The following AXDND1 variants were observed in gnomAD, a reference collection of about 807,000 sequenced individuals.
AXDND1 encodes axonemal dynein light chain domain containing 1.
AXDND1 carries 110 observed loss-of-function variants against 137.5 expected under a neutral mutation model. That is an observed-to-expected ratio of 0.80 (90% CI 0.69 to 0.94). The LOEUF (loss-of-function observed/expected upper bound fraction) is 0.94. Among genes scored for constraint, AXDND1 ranks in the 40% least tolerant of loss-of-function variants. The pLI is 0.00. For missense variants in AXDND1, 1,191 were observed against 1,169.8 expected (o/e 1.02, Z -0.26); for synonymous variants, 414 against 399.7 (o/e 1.04, Z -0.43).
At chr1:179,411,398 T>C (rs1328956495) in intron 12 of AXDND1, 132 bp downstream of exon 12, 1 of 1,231,686 alleles carries the variant, frequency 8.1e-7, no homozygotes, top group Non-Finnish European at 1.1e-6. Context: ...AGGCTGGAAT[T>C]CAGTGATGTG....
intron 6 of AXDND1, among the ~76,000 whole-genome samples, chr1:179,380,910 A>T (rs1013057060): frequency 6.6e-6 from 1 of 152,190 alleles, no homozygotes; most frequent in Admixed American, 6.5e-5. Context: ...TTAAACATAC[A>T]CAAGCATGCA....
At chr1:179,546,937 C>G (rs1410587) in intron 25 of AXDND1, among the ~76,000 whole-genome samples, 1 of 151,986 alleles carries the variant, frequency 6.6e-6, no homozygotes, top group African/African-American at 2.4e-5. Context: ...TTGTCTGCTA[C>G]CTTGTAGCAT....
intron 12 of AXDND1, among the ~76,000 whole-genome samples, chr1:179,414,627 G>C (rs560006695): frequency 6.6e-6 from 1 of 151,912 alleles, no homozygotes; most frequent in African/African-American, 2.4e-5. Flanking sequence ...GGGTTTCACC[G>C]TGTTAGCCAG....
intron 9 of AXDND1, among the ~76,000 whole-genome samples, chr1:179,386,657 C>A (rs1649271253): frequency 6.6e-6 from 1 of 152,040 alleles, no homozygotes; most frequent in Non-Finnish European, 1.5e-5. Context: ...TATTGCTATA[C>A]CTTCAAGTTC....
Position 179,395,129 on chromosome 1 carries a change from A to C in AXDND1, c.1036A>C (p.Lys346Gln). The C allele has an allele frequency of 6.2e-7, 1 of 1,613,378 alleles. No individual in the cohort carries two copies. The highest frequency in any genetic ancestry group is 8.5e-7 in the Non-Finnish European group (1 of 1,179,688). Residue 346 changes from lysine to glutamine, a missense_variant, in exon 11 of 26, where the codon AAA (lysine) becomes CAA (glutamine). By Grantham distance (53) the Lys-to-Gln change is moderately conservative. Transcript: ENST00000367618. ...ELCLVRAHDV[K>Q]LTKETEKAHK... ...GTGTCTAGTTCGGGCACATGATGTG[A>C]AATTAACAAAGGAAACAGAAAAAGC...
At chr1:179,400,072 G>A (rs1651718058) in intron 11 of AXDND1, among the ~76,000 whole-genome samples, 1 of 152,142 alleles carries the variant, frequency 6.6e-6, no homozygotes, top group Non-Finnish European at 1.5e-5. Flanking sequence ...TCACTACTGG[G>A]TATCTACCCA....
rs1189572362 is a variant in AXDND1, at chr1:179,379,432, A to G, written c.531A>G (p.Glu177=). ...TAACAGATACTTTGATTCCTGAAGA[A>G]TTTCATATTGTGTCAAGTACAGGAG... is the stretch of plus-strand genomic sequence containing the variant. ...KTLTDTLIPE[E]FHIVSSTGVS... The change falls in exon 6 of 26, where the codon GAA becomes GAG. Residue 177 remains glutamate, a synonymous_variant. Coordinates refer to ENST00000367618, the MANE Select transcript of AXDND1 (RefSeq NM_144696.6). 8.1e-6 allele frequency: 13 copies of G among 1,613,784 alleles called. No homozygotes were observed. Among genetic ancestry groups the G allele is most frequent in the Non-Finnish European group, 1.1e-5 (13 of 1,179,808 alleles).
At chr1:179,497,457 C>A (rs1343641416) in intron 20 of AXDND1, among the ~76,000 whole-genome samples, 1 of 152,074 alleles carries the variant, frequency 6.6e-6, no homozygotes, top group Non-Finnish European at 1.5e-5. Flanking sequence ...AATCCAATAT[C>A]CTTTCATGAT....
chr1:179,477,570 C>G (rs192918610), intron 17 of AXDND1, among the ~76,000 whole-genome samples: 61 of 152,200 alleles, frequency 4.0e-4, no homozygotes, highest in African/African-American at 1.4e-3. Flanking sequence ...GAAACCACCC[C>G]CATGATTCAA....
chr1:179,471,170 G>A (rs930054744), intron 17 of AXDND1, among the ~76,000 whole-genome samples: 2 of 152,172 alleles, frequency 1.3e-5, no homozygotes, highest in African/African-American at 2.4e-5. Context: ...GTATTCATAA[G>A]AGACATTGGT....
At chr1:179,369,044 T>C in intron 3 of AXDND1, 72 bp downstream of exon 3, 1 of 1,381,132 alleles carries the variant, frequency 7.2e-7, no homozygotes, top group Non-Finnish European at 9.9e-7. Context: ...TAAGTATTTA[T>C]TATGCACATA....
chr1:179,394,028 T>G lies in AXDND1; in HGVS notation c.989T>G (p.Ile330Ser). 6.2e-7 allele frequency: 1 copy of G among 1,606,814 alleles called. No individual in the cohort carries two copies. Among genetic ancestry groups the G allele is most frequent in the Non-Finnish European group, 8.5e-7 (1 of 1,177,256 alleles). Residue 330 changes from isoleucine to serine, a missense_variant, in exon 10 of 26, where the codon ATT becomes AGT. Physicochemically the swap from Ile to Ser is moderately radical, Grantham distance 142. Transcript: ENST00000367618. Reference sequence around the variant, plus strand: ...GAATTGTATAATTTCAAGCATGTTATTGAAGAACTGACCAGGTAAAAACTG... The same window carrying G: ...GAATTGTATAATTTCAAGCATGTTAGTGAAGAACTGACCAGGTAAAAACTG... ...LEELYNFKHVIEELTRELCLV... is the reference protein window; with the variant it reads ...LEELYNFKHVSEELTRELCLV...
chr1:179,503,094 TAAA>T (rs11397892), intron 20 of AXDND1, among the ~76,000 whole-genome samples: 3 of 136,792 alleles, frequency 2.2e-5, no homozygotes, highest in Admixed American at 7.3e-5. Context: ...AAACTCCGTG[TAAA>T]AAAAAAAAAA....
intron 25 of AXDND1, among the ~76,000 whole-genome samples, chr1:179,549,449 G>GA (rs146064662): frequency 0.055 from 8,348 of 152,204 alleles, 762 homozygotes; most frequent in African/African-American, 0.19. Flanking sequence ...ACCTGTGCCA[G>GA]ACATCAGAGG....
At chr1:179,500,173 A>T (rs980426541) in intron 20 of AXDND1, among the ~76,000 whole-genome samples, 9 of 152,054 alleles carry the variant, frequency 5.9e-5, no homozygotes, top group African/African-American at 2.2e-4. Context: ...AGTAAATGAG[A>T]GGGGTAACAC....
intron 25 of AXDND1, among the ~76,000 whole-genome samples, chr1:179,549,191 C>T (rs1256365973): frequency 2.0e-5 from 3 of 152,182 alleles, no homozygotes; most frequent in Non-Finnish European, 2.9e-5. Flanking sequence ...CTCCAGCCAT[C>T]ATTTCACAAT....
At chr1:179,411,357 T>C (rs1376127552) in intron 12 of AXDND1, 91 bp downstream of exon 12, 2 of 1,526,444 alleles carry the variant, frequency 1.3e-6, no homozygotes, top group African/African-American at 1.4e-5. Flanking sequence ...TTTTGTTTTG[T>C]TTTGAAAGAG....
chr1:179,550,552 C>CT (rs1259791335), intron 25 of AXDND1: 4 of 152,308 alleles, frequency 2.6e-5, no homozygotes, highest in Admixed American at 6.5e-5. Flanking sequence ...CTTTTAAATG[C>CT]TTTAATTAGG....
chr1:179,483,232 G>T lies in AXDND1; in HGVS notation c.2091+11G>T. ...GAACTTCAGCACCACGTATGTACTT[G>T]TAAGGGTTTTTGACGTTATATTTTG... On this transcript the variant is annotated intron_variant, in intron 18 of 25. Coordinates refer to ENST00000367618, the MANE Select transcript of AXDND1 (RefSeq NM_144696.6). 1 of 1,570,442 alleles carries T rather than the reference G, an allele frequency of 6.4e-7. No homozygotes were observed. The highest frequency in any genetic ancestry group is 1.2e-5 in the South Asian group (1 of 84,188).
Sources: allele counts gnomAD v4.1 joint callset (sites outside exome capture counted in the v4.1 genomes callset), GRCh38; gene constraint gnomAD v4.1.1; transcripts MANE v1.5; gene names NCBI Gene and HGNC (gene_info 2026-07-23, HGNC 2026-07-21).